CCDC175: variants seen among roughly 807,000 people sequenced by gnomAD.
CCDC175 encodes coiled-coil domain containing 175, also known as coiled-coil domain-containing protein 175.
CCDC175 carries 100 observed loss-of-function variants against 114.6 expected under a neutral mutation model. The observed-to-expected ratio is 0.87, with a 90% CI of 0.74 to 1.03. The LOEUF (loss-of-function observed/expected upper bound fraction) is 1.03. Ranked by LOEUF, CCDC175 falls within the 50% of genes least tolerant of loss-of-function variation. CCDC175 has a pLI of 0.00. For missense variants in CCDC175, 880 were observed against 917.8 expected (o/e 0.96, Z 0.53); for synonymous variants, 306 against 308.7 (o/e 0.99, Z 0.09).
At chr14:59,509,829 T>C (rs932976807) in intron 19 of CCDC175, among the ~76,000 whole-genome samples, 1 of 152,160 alleles carries the variant, frequency 6.6e-6, no homozygotes, top group Admixed American at 6.5e-5. Context: ...TTTATCCCAT[T>C]TTACTTTCTA....
At chr14:59,506,127 T>A (rs937538763) in intron 19 of CCDC175, among the ~76,000 whole-genome samples, 2 of 152,104 alleles carry the variant, frequency 1.3e-5, no homozygotes, top group Non-Finnish European at 2.9e-5. Context: ...GTTGATAAAT[T>A]TAATAACTAC....
rs1017938602 is a variant in CCDC175 at position 59,576,727 on chromosome 14, C to T, written c.49G>A (p.Val17Met). ...CCAGTGGAGACGGCAGCCGCCTGCA[C>T]CAGCTTCTCGCCAGCGCCCAGCCCT... The part of the protein sequence containing the change: ...TPGLGAGEKL[V>M]QAAAVSTGPS... Residue 17 changes from valine to methionine, a missense_variant, in exon 1 of 20, where the codon GTG becomes ATG. By Grantham distance (21) the Val-to-Met change is conservative. Transcript: ENST00000537690. 1.7e-5 allele frequency: 25 copies of T among 1,476,020 alleles called. No individual in the cohort carries two copies. Among genetic ancestry groups the T allele is most frequent in the Non-Finnish European group, 2.1e-5 (24 of 1,122,114 alleles). 91.4% of individuals were successfully genotyped at this position (1,476,020 alleles called of 1,614,324 possible).
chr14:59,513,224 C>T (rs1892852472), intron 17 of CCDC175, among the ~76,000 whole-genome samples: 2 of 152,192 alleles, frequency 1.3e-5, no homozygotes, highest in African/African-American at 4.8e-5. Flanking sequence ...CTCCAGTCTA[C>T]AGCTCCCAAC....
In CCDC175 at chr14:59,571,856, G is replaced by T. The variant is rs1203618330; in HGVS notation, c.355+846C>A. Among the ~76,000 whole-genome samples the T allele has an allele frequency of 7.2e-5, 11 of 152,250 alleles. No individual in the cohort carries two copies. The East Asian group carries it at 2.1e-3, about 29-fold the overall frequency. On this transcript the variant is annotated intron_variant, in intron 3 of 19. Transcript: ENST00000537690. ...ATTGAAAGCAGGCACTTGGATACAG[G>T]TGGAGTATCCCTAATCCAAAAATCT...
intron 3 of CCDC175, among the ~76,000 whole-genome samples, chr14:59,569,184 A>G (rs1896720056): frequency 6.6e-6 from 1 of 152,244 alleles, no homozygotes; most frequent in African/African-American, 2.4e-5. Flanking sequence ...TCTACACAGC[A>G]AACTCCCTAG....
rs1199066848 is a variant in CCDC175, at chr14:59,531,773, T to A, written c.1761A>T (p.Thr587=). ...RKLEELSNII[T]AQRQEEDLLN... The stretch of plus-strand genomic sequence containing the variant: ...AATTACTAAATGCTTCATATGTACC[T>A]GTAATAATATTACTGAGCTCTTCTA... The change falls in exon 14 of 20, where the codon ACA becomes ACT. Residue 587 remains threonine (T), a splice_region_variant and synonymous_variant. Coordinates refer to ENST00000537690, the MANE Select transcript of CCDC175 (RefSeq NM_001164399.2). 1.3e-6 allele frequency: 2 copies of A among 1,482,380 alleles called. No homozygotes were observed. The highest frequency in any genetic ancestry group is 1.4e-5 in the African/African-American group (1 of 70,610). The allele number at this position is 1,482,380 out of a possible 1,614,324, so 91.8% of individuals were successfully genotyped here.
chr14:59,560,626 A>G (rs1896177822), intron 7 of CCDC175, among the ~76,000 whole-genome samples: 1 of 152,216 alleles, frequency 6.6e-6, no homozygotes, highest in Non-Finnish European at 1.5e-5. Context: ...AATGAAGCAC[A>G]GACTGAGGCT....
At chr14:59,540,019 C>A (rs977374) in intron 11 of CCDC175, among the ~76,000 whole-genome samples, 1 of 151,758 alleles carries the variant, frequency 6.6e-6, no homozygotes, top group African/African-American at 2.4e-5. Flanking sequence ...TGCAGTGTGC[C>A]GAGATGGCAC....
At chr14:59,547,006 GA>G (rs1160353594) in intron 8 of CCDC175, among the ~76,000 whole-genome samples, 1 of 152,118 alleles carries the variant, frequency 6.6e-6, no homozygotes, top group African/African-American at 2.4e-5. Context: ...TTGAGAGGCG[GA>G]GGTGGGAGGA....
chr14:59,521,445 A>AT (rs1893423415), intron 17 of CCDC175, 129 bp downstream of exon 17: 1 of 580,298 alleles, frequency 1.7e-6, no homozygotes, highest in African/African-American at 1.9e-5. Context: ...AAGACCTATC[A>AT]TGGGACTTTA....
rs1594980787 is a variant in CCDC175, at chr14:59,515,193, T to C, written c.2099-3390A>G. ...ACTAAACATGGAAAGGAACAACTGG[T>C]ACCAGCCACTGAAAAAGCATGCCAA... On this transcript the variant is annotated intron_variant, in intron 17 of 19. Coordinates refer to ENST00000537690, the MANE Select transcript of CCDC175 (RefSeq NM_001164399.2). 2.6e-5 allele frequency among the ~76,000 whole-genome samples: 4 copies of C among 152,166 alleles called. No homozygotes were observed. The South Asian group carries it at 6.2e-4, about 24-fold the overall frequency.
chr14:59,530,660 A>C (rs548539637), intron 14 of CCDC175, among the ~76,000 whole-genome samples: 38 of 152,308 alleles, frequency 2.5e-4, no homozygotes, highest in African/African-American at 9.1e-4. Context: ...TAACATTCTT[A>C]CATTTTTAAA....
rs145386501 is a variant in CCDC175, at chr14:59,543,199, T to C, written c.1283+145A>G. On this transcript the variant is annotated intron_variant, in intron 10 of 19. Coordinates refer to ENST00000537690, the MANE Select transcript of CCDC175 (RefSeq NM_001164399.2). ...CAATGAAAAAGTCCATGAGAGTGACTTCCAGACTGTGAAACAGAGAGAGCT... is the reference window on the plus strand; with the variant it reads ...CAATGAAAAAGTCCATGAGAGTGACCTCCAGACTGTGAAACAGAGAGAGCT... The C allele has an allele frequency of 1.7e-3, 770 of 443,970 alleles. 3 individuals are homozygous for C. Among genetic ancestry groups the C allele is most frequent in the African/African-American group, 0.014 (667 of 49,244 alleles). 27.5% of individuals were successfully genotyped at this position (443,970 alleles called of 1,614,324 possible).
At chr14:59,558,588 A>T (rs548019075) in intron 7 of CCDC175, among the ~76,000 whole-genome samples, 22 of 152,324 alleles carry the variant, frequency 1.4e-4, no homozygotes, top group African/African-American at 5.1e-4. Context: ...TTTTGGCTGG[A>T]CTAACTAGGT....
chr14:59,531,929 C>A lies in CCDC175; in HGVS notation c.1624-19G>T, dbSNP rs755540165. ...ATATTTCCTTTAAAGAAAATAAAAT[C>A]AATTGAGAAATATAATTTTGGATAA... On this transcript the variant is annotated intron_variant, in intron 13 of 19. Coordinates refer to ENST00000537690, the MANE Select transcript of CCDC175 (RefSeq NM_001164399.2). The A allele has an allele frequency of 4.6e-5, 48 of 1,044,828 alleles. No homozygotes were observed. In the South Asian group the frequency reaches 5.8e-4, roughly 13 times the overall value. The allele number at this position is 1,044,828 out of a possible 1,614,324, so 64.7% of individuals were successfully genotyped here.
chr14:59,515,881 A>T (rs1355190465), intron 17 of CCDC175, among the ~76,000 whole-genome samples: 1 of 152,182 alleles, frequency 6.6e-6, no homozygotes, highest in Non-Finnish European at 1.5e-5. Context: ...TCAGCACCAC[A>T]CCGCACTTAT....
At chr14:59,551,983 G>C (rs941044337) in intron 7 of CCDC175, among the ~76,000 whole-genome samples, 1 of 152,242 alleles carries the variant, frequency 6.6e-6, no homozygotes, top group Non-Finnish European at 1.5e-5. Flanking sequence ...GATGGAACAG[G>C]GTGGAGCCCA....
rs1358604431 is a variant in CCDC175, at chr14:59,547,014, A to G, written c.1036-1715T>C. Among the ~76,000 whole-genome samples the G allele has an allele frequency of 2.9e-4, 44 of 152,134 alleles. No homozygotes were observed. In the South Asian group the frequency reaches 9.1e-3, roughly 32 times the overall value. ...TAGCACTTTGAGAGGCGGAGGTGGG[A>G]GGATCACTTGAGCCCAGGAGTTAGA... On this transcript the variant is annotated intron_variant, in intron 8 of 19. Transcript: ENST00000537690.
At chr14:59,507,942 G>A (rs1319243207) in intron 19 of CCDC175, among the ~76,000 whole-genome samples, 2 of 152,092 alleles carry the variant, frequency 1.3e-5, no homozygotes, top group Non-Finnish European at 2.9e-5. Context: ...TATCATGAAC[G>A]CAGGATGTGA....
Sources: gnomAD v4.1 joint callset for allele counts (sites outside exome capture counted in the v4.1 genomes callset) on GRCh38, gnomAD v4.1.1 for gene constraint, MANE v1.5 for transcripts, NCBI Gene and HGNC (gene_info 2026-07-23, HGNC 2026-07-21) for gene names.